The following UGGT2 variants were observed in gnomAD, a reference collection of about 807,000 sequenced individuals.
The protein encoded by UGGT2 is UDP-glucose:glycoprotein glucosyltransferase 2.
A neutral mutation model predicts 192.1 loss-of-function variants in UGGT2; 180 were observed. The ratio of observed to expected loss-of-function variants is 0.94; its 90% CI spans 0.83 to 1.06. The LOEUF (loss-of-function observed/expected upper bound fraction) is 1.06, where lower values mean the gene tolerates loss of function less well. UGGT2 is among the 50% of genes least tolerant of loss of function. UGGT2 has a pLI of 0.00. For synonymous variants in UGGT2, 580 were observed against 591.0 expected (o/e 0.98, Z 0.27); for missense variants, 1,849 against 1,795.7 (o/e 1.03, Z -0.54).
chr13:95,837,160 G>A lies in UGGT2; in HGVS notation c.4327C>T (p.Leu1443Phe). The change falls in exon 37 of 39, where the codon CTT becomes TTT. Residue 1443 changes from leucine to phenylalanine, a missense_variant. Leu to Phe is a conservative substitution (Grantham distance 22). Transcript: ENST00000376747. ...TCACACCACAGCCAGTCTTGAGGAA[G>A]AGACTTAATGGCGACTTGGTAAATC... The part of the protein sequence containing the change: ...NMIYQVAIKS[L>F]PQDWLWCETW... 6.2e-7 allele frequency: 1 copy of A among 1,614,062 alleles called. No homozygotes were observed. Among genetic ancestry groups the A allele is most frequent in the East Asian group, 2.2e-5 (1 of 44,864 alleles).
At chr13:95,881,612 T>A (rs977421783) in intron 27 of UGGT2, among the ~76,000 whole-genome samples, 1 of 152,202 alleles carries the variant, frequency 6.6e-6, no homozygotes, top group Non-Finnish European at 1.5e-5. Flanking sequence ...AAAACTGATA[T>A]CAAAATTATT....
intron 7 of UGGT2, 92 bp from the exon 8 acceptor site, chr13:95,990,165 AT>A: frequency 3.0e-6 from 2 of 661,336 alleles, no homozygotes; most frequent in Non-Finnish European, 4.8e-6. Context: ...ATTCCATGTA[AT>A]TAGACATAAA....
At chr13:95,893,605 T>G (rs184520124) in intron 24 of UGGT2, among the ~76,000 whole-genome samples, 1 of 152,142 alleles carries the variant, frequency 6.6e-6, no homozygotes, top group Non-Finnish European at 1.5e-5. Context: ...ATGTAGAAAT[T>G]TACATATAAA....
chr13:95,877,830 A>G lies in UGGT2; in HGVS notation c.3255T>C (p.Tyr1085=). 6.2e-7 allele frequency: 1 copy of G among 1,613,632 alleles called. No individual in the cohort carries two copies. The highest frequency in any genetic ancestry group is 1.1e-5 in the South Asian group (1 of 90,986). ...KDTEKTVTAE[Y]ELEYLLLEGQ... is the part of the protein sequence containing the mutation. ...CTTCCAGTAGTAAGTATTCTAGTTC[A>G]TATTCTGCTGTAACAGTTTTCTCAG... Residue 1085 remains tyrosine (Y), a synonymous_variant, in exon 28 of 39, where the codon TAT becomes TAC. Transcript: ENST00000376747.
Position 95,972,580 on chromosome 13 carries a change from C to T in UGGT2, c.1184G>A (p.Ser395Asn), listed in dbSNP as rs1486022440. 1 of 1,608,150 alleles carries T rather than the reference C, an allele frequency of 6.2e-7. No individual in the cohort carries two copies. Among genetic ancestry groups the T allele is most frequent in the Non-Finnish European group, 8.5e-7 (1 of 1,175,644 alleles). Residue 395 changes from serine to asparagine, a missense_variant and splice_region_variant, in exon 11 of 39, where the codon AGT becomes AAT. Transcript: ENST00000376747. Reference sequence around the variant, plus strand: ...TTTACAGCAATAATTTAATACTTACCTAAAAGCGTCATAAACATCCATATC... The same window carrying T: ...TTTACAGCAATAATTTAATACTTACTTAAAAGCGTCATAAACATCCATATC... ...RVDMDVYDAF[S>N]ILDMLKLEGK...
chr13:95,828,284 T>C (rs3099358), intron 38 of UGGT2, among the ~76,000 whole-genome samples: 51,728 of 151,744 alleles, frequency 0.34, 10,515 homozygotes, highest in East Asian at 0.48. Flanking sequence ...AGCAAACGCA[T>C]CCAAAAGCTA....
In UGGT2 at chr13:95,859,707, TTAACAG is replaced by T. The variant is rs778330906; in HGVS notation, c.3741-38_3741-33del. 4 of 1,478,494 alleles carry T rather than the reference TTAACAG, an allele frequency of 2.7e-6. No homozygotes were observed. The Admixed American group carries it at 7.8e-5, about 29-fold the overall frequency. The allele number at this position is 1,478,494 out of a possible 1,614,324, so 91.6% of individuals were successfully genotyped here. A position where few individuals can be genotyped will look rare whatever the true frequency, so the allele number is the denominator to read the frequency against. On this transcript the variant is annotated intron_variant, in intron 32 of 38. Transcript: ENST00000376747. Reference sequence around the variant, plus strand: ...AAAAGAATATTAAACCCAATATACATTAACAGTAACAGGAGCTCATATATATTTTTT... The same window carrying T: ...AAAAGAATATTAAACCCAATATACATTAACAGGAGCTCATATATATTTTTT...
chr13:95,972,343 A>T (rs1020087623), intron 11 of UGGT2, among the ~76,000 whole-genome samples: 9 of 152,206 alleles, frequency 5.9e-5, no homozygotes, highest in African/African-American at 1.9e-4. Flanking sequence ...GTTTAGAATA[A>T]CAAAGTAATT....
At chr13:95,991,901 AAATG>A (rs1201732314) in intron 7 of UGGT2, among the ~76,000 whole-genome samples, 1 of 152,208 alleles carries the variant, frequency 6.6e-6, no homozygotes, top group African/African-American at 2.4e-5. Flanking sequence ...TCCCTTTTAA[AAATG>A]AATAGCCTTG....
At chr13:95,964,673 C>T (rs561633965) in intron 12 of UGGT2, among the ~76,000 whole-genome samples, 1 of 152,226 alleles carries the variant, frequency 6.6e-6, no homozygotes, top group South Asian at 2.1e-4. Flanking sequence ...CCATTCAGGA[C>T]ATAGGCATGG....
At position 95,854,594 on chromosome 13, in the gene UGGT2, C is replaced by T. The variant is rs976756851; in HGVS notation, c.4009-119G>A. 5.2e-5 allele frequency: 42 copies of T among 814,660 alleles called. No homozygotes were observed. The Admixed American group carries it at 1.4e-3, about 26-fold the overall frequency. 50.5% of individuals were successfully genotyped at this position (814,660 alleles called of 1,614,324 possible). A position where few individuals can be genotyped will look rare whatever the true frequency, so the allele number is the denominator to read the frequency against. ...AATCCAAAGAGCTGTATTGTCCTCACAGTGCTTTCATGTAATATGAATTTA... is the reference window on the plus strand; with the variant it reads ...AATCCAAAGAGCTGTATTGTCCTCATAGTGCTTTCATGTAATATGAATTTA... On this transcript the variant is annotated intron_variant, in intron 34 of 38. Transcript: ENST00000376747.
chr13:95,980,315 GAATCGAAGACTATCA>G (rs1204925001), intron 10 of UGGT2, among the ~76,000 whole-genome samples: 1 of 152,182 alleles, frequency 6.6e-6, no homozygotes, highest in East Asian at 1.9e-4. Context: ...AACCTGGATG[GAATCGAAGACTATCA>G]TTCTAACTGA....
intron 15 of UGGT2, among the ~76,000 whole-genome samples, chr13:95,942,219 A>AGG (rs201157034): frequency 0.024 from 1,751 of 72,158 alleles, 30 homozygotes; most frequent in South Asian, 0.029. Flanking sequence ...TCTTAGGGTG[A>AGG]GGGTGTGTGT....
intron 17 of UGGT2, among the ~76,000 whole-genome samples, chr13:95,934,763 C>T (rs1487650251): frequency 6.6e-6 from 1 of 152,136 alleles, no homozygotes; most frequent in East Asian, 1.9e-4. Flanking sequence ...CTTGGATTGA[C>T]CTTCCAAAGT....
At chr13:95,995,903 C>T (rs910872552) in intron 7 of UGGT2, 160 bp downstream of exon 7, 13 of 620,446 alleles carry the variant, frequency 2.1e-5, no homozygotes, top group Non-Finnish European at 3.4e-5. Flanking sequence ...TGACATTAGC[C>T]ATGTGTTACT....
chr13:95,996,708 A>C (rs2051633410), intron 6 of UGGT2, among the ~76,000 whole-genome samples: 3 of 152,178 alleles, frequency 2.0e-5, no homozygotes. Flanking sequence ...TCTATTTCAT[A>C]ATCAGAAATA....
intron 38 of UGGT2, among the ~76,000 whole-genome samples, chr13:95,829,425 C>T (rs893571739): frequency 1.1e-4 from 17 of 152,258 alleles, no homozygotes; most frequent in African/African-American, 3.4e-4. Context: ...AAAACCCCAT[C>T]GTCTCAACCC....
At chr13:95,908,169 T>G (rs966483949) in intron 20 of UGGT2, among the ~76,000 whole-genome samples, 1 of 151,892 alleles carries the variant, frequency 6.6e-6, no homozygotes, top group Non-Finnish European at 1.5e-5. Context: ...ATCAAATTAA[T>G]GAAATAAAGT....
At chr13:95,979,703 GAGTTA>G (rs1161058639) in intron 10 of UGGT2, among the ~76,000 whole-genome samples, 8 of 152,062 alleles carry the variant, frequency 5.3e-5, no homozygotes, top group Non-Finnish European at 1.2e-4. Context: ...AAGGACAGCA[GAGTTA>G]GCAGACAGCC....
Sources: allele counts gnomAD v4.1 joint callset (sites outside exome capture counted in the v4.1 genomes callset), GRCh38; gene constraint gnomAD v4.1.1; transcripts MANE v1.5; gene names NCBI Gene and HGNC (gene_info 2026-07-23, HGNC 2026-07-21).